The following PLPP1 variants were observed in gnomAD, a reference collection of about 807,000 sequenced individuals.
PLPP1 encodes the protein phospholipid phosphatase 1, also known as lipid phosphate phosphohydrolase 1a.
A neutral mutation model predicts 31.2 loss-of-function variants in PLPP1; 24 were observed. The ratio of observed to expected loss-of-function variants is 0.77; its 90% CI spans 0.56 to 1.08. The LOEUF is 1.08. Ranked by LOEUF, PLPP1 falls within the 50% of genes least tolerant of loss-of-function variation. The pLI is 0.00. For missense variants in PLPP1, 319 were observed against 342.7 expected, an observed-to-expected ratio of 0.93 and a Z score of 0.55; for synonymous variants, 146 against 126.3, an observed-to-expected ratio of 1.16 and a Z score of -1.05.
intron 3 of PLPP1, among the ~76,000 whole-genome samples, chr5:55,447,290 AT>A (rs1460055019): frequency 3.9e-5 from 6 of 152,216 alleles, no homozygotes; most frequent in Non-Finnish European, 7.3e-5. Flanking sequence ...GTTTTTAATT[AT>A]ACAGTGACCA....
chr5:55,526,080 T>TA lies in PLPP1; in HGVS notation c.58+8491dup, dbSNP rs113211272. On this transcript the variant is annotated intron_variant, in intron 1 of 5. Transcript: ENST00000307259. ...GACTTTTGCTGCCAACTTCTTTTTT[T>TA]AAAAAAAAAAATAGGCAAACATTGA... Among the ~76,000 whole-genome samples, 1,082 of 148,564 alleles carry TA rather than the reference T, an allele frequency of 7.3e-3. 15 individuals carry two copies. The highest frequency in any genetic ancestry group is 0.023 in the African/African-American group (934 of 40,702).
intron 1 of PLPP1, among the ~76,000 whole-genome samples, chr5:55,534,175 C>T (rs1323836230): frequency 6.6e-6 from 1 of 152,212 alleles, no homozygotes; most frequent in East Asian, 1.9e-4. Context: ...CTGGCGCCTG[C>T]TACTGAGAAT....
At chr5:55,506,857 T>C (rs1370618290) in intron 1 of PLPP1, among the ~76,000 whole-genome samples, 1 of 152,238 alleles carries the variant, frequency 6.6e-6, no homozygotes, top group African/African-American at 2.4e-5. Flanking sequence ...ATAAAATTTT[T>C]TTTGGCTCTT....
chr5:55,475,865 G>A (rs1399428735), intron 1 of PLPP1, among the ~76,000 whole-genome samples: 4 of 152,210 alleles, frequency 2.6e-5, no homozygotes, highest in African/African-American at 9.6e-5. Flanking sequence ...ATTTGGATAG[G>A]TCATTGTCAC....
chr5:55,480,319 C>A (rs1356657477), intron 1 of PLPP1, among the ~76,000 whole-genome samples: 4 of 151,748 alleles, frequency 2.6e-5, no homozygotes, highest in African/African-American at 9.7e-5. Context: ...CCATAACATT[C>A]ATCCATTCTA....
intron 1 of PLPP1, among the ~76,000 whole-genome samples, chr5:55,500,371 G>A (rs959606184): frequency 6.6e-5 from 10 of 152,038 alleles, no homozygotes; most frequent in South Asian, 2.1e-4. Context: ...GAGCCACCAC[G>A]CCTGGCCTAA....
chr5:55,529,764 T>C (rs1474160561), intron 1 of PLPP1, among the ~76,000 whole-genome samples: 2 of 55,928 alleles, frequency 3.6e-5, no homozygotes, highest in Non-Finnish European at 1.2e-4. Flanking sequence ...TTTGTTAGAT[T>C]ATATCACATC....
At chr5:55,533,358 G>C (rs1461092150) in intron 1 of PLPP1, among the ~76,000 whole-genome samples, 2 of 151,492 alleles carry the variant, frequency 1.3e-5, no homozygotes, top group African/African-American at 4.9e-5. Context: ...ACTCCAGCCT[G>C]GGTGACAGAG....
At chr5:55,428,927 A>G (rs189118724) in intron 4 of PLPP1, among the ~76,000 whole-genome samples, 1 of 152,266 alleles carries the variant, frequency 6.6e-6, no homozygotes, top group Admixed American at 6.5e-5. Flanking sequence ...CAGCAACATT[A>G]TTACTTTTAA....
intron 1 of PLPP1, among the ~76,000 whole-genome samples, chr5:55,520,597 C>G (rs568689095): frequency 1.8e-4 from 27 of 152,252 alleles, no homozygotes; most frequent in Middle Eastern, 3.4e-3. Context: ...CATTAGATGA[C>G]GAACTCAAAG....
intron 3 of PLPP1, among the ~76,000 whole-genome samples, chr5:55,463,345 A>G (rs1752210488): frequency 6.6e-6 from 1 of 152,108 alleles, no homozygotes; most frequent in African/African-American, 2.4e-5. Flanking sequence ...TAGAACTTAA[A>G]TTAAGATAAA....
At chr5:55,526,849 G>A (rs35299635) in intron 1 of PLPP1, among the ~76,000 whole-genome samples, 9,160 of 146,434 alleles carry the variant, frequency 0.063, 516 homozygotes, top group African/African-American at 0.13. Flanking sequence ...GGAGAATGGC[G>A]TGAACCTGGG....
intron 1 of PLPP1, among the ~76,000 whole-genome samples, chr5:55,485,619 G>A (rs1409982735): frequency 6.6e-6 from 1 of 151,748 alleles, no homozygotes; most frequent in Non-Finnish European, 1.5e-5. Context: ...AATTTCTAAT[G>A]GGTTTTTAAA....
rs1274155656 is a variant in PLPP1 at position 55,534,775 on chromosome 5, G to A, written c.-146C>T. On this transcript the variant is annotated 5_prime_UTR_variant, in exon 1 of 6. Coordinates refer to ENST00000307259, the MANE Select transcript of PLPP1 (RefSeq NM_003711.4). ...CCGGAGGAGGAGAGCAGCCGAGGGC[G>A]GGCTGAGACCGGGCGGCGCTCCCAC... The A allele has an allele frequency of 1.2e-6, 1 of 831,214 alleles. No individual in the cohort carries two copies. The highest frequency in any genetic ancestry group is 1.7e-6 in the Non-Finnish European group (1 of 573,464). 51.5% of individuals were successfully genotyped at this position (831,214 alleles called of 1,614,324 possible).
At chr5:55,445,444 T>C (rs1372657769) in intron 3 of PLPP1, among the ~76,000 whole-genome samples, 1 of 152,088 alleles carries the variant, frequency 6.6e-6, no homozygotes, top group African/African-American at 2.4e-5. Context: ...ACTTTCTTCC[T>C]TTCCTCCTCC....
At chr5:55,501,230 T>C (rs761228147) in intron 1 of PLPP1, among the ~76,000 whole-genome samples, 15 of 151,968 alleles carry the variant, frequency 9.9e-5, no homozygotes, top group Non-Finnish European at 1.6e-4. Context: ...GAACAATCAC[T>C]TGAACCCAGG....
intron 1 of PLPP1, among the ~76,000 whole-genome samples, chr5:55,502,257 A>G (rs1753162250): frequency 6.6e-6 from 1 of 152,152 alleles, no homozygotes; most frequent in South Asian, 2.1e-4. Flanking sequence ...GGGAGGCCGA[A>G]GCAGGCAGAT....
At chr5:55,479,783 A>G (rs1480021688) in intron 1 of PLPP1, among the ~76,000 whole-genome samples, 2 of 152,206 alleles carry the variant, frequency 1.3e-5, no homozygotes, top group African/African-American at 2.4e-5. Context: ...CCTTGAAACC[A>G]AGAGAGACAA....
rs563174587 is a variant in PLPP1 at position 55,434,538 on chromosome 5, C to G, written c.549+7313G>C. On this transcript the variant is annotated intron_variant, in intron 4 of 5. Coordinates refer to ENST00000307259, the MANE Select transcript of PLPP1 (RefSeq NM_003711.4). ...CACTACCTGACTTCATATTACAAGGCTATAATAACCAAAACAGCACAGTAT... is the reference window on the plus strand; with the variant it reads ...CACTACCTGACTTCATATTACAAGGGTATAATAACCAAAACAGCACAGTAT... Among the ~76,000 whole-genome samples the G allele has an allele frequency of 7.2e-5, 11 of 152,202 alleles. No individual in the cohort carries two copies. In the South Asian group the frequency reaches 1.5e-3, roughly 20 times the overall value.
Sources: allele counts gnomAD v4.1 joint callset (sites outside exome capture counted in the v4.1 genomes callset), GRCh38; gene constraint gnomAD v4.1.1; transcripts MANE v1.5; gene names NCBI Gene and HGNC (gene_info 2026-07-23, HGNC 2026-07-21).